Variants in CASZ1 observed in about 807,000 individuals in gnomAD.
CASZ1 encodes the protein castor zinc finger 1, also known as zinc finger protein castor homolog 1.
CASZ1 carries 28 observed loss-of-function variants against 135.2 expected under a neutral mutation model. That is an observed-to-expected ratio of 0.21 (90% CI 0.15 to 0.28). CASZ1 has a LOEUF of 0.28. Ranked by LOEUF, CASZ1 falls within the 10% of genes least tolerant of loss-of-function variation. The pLI is 1.00. For missense variants in CASZ1, 2,161 were observed against 2,453.3 expected (o/e 0.88, Z 2.52); for synonymous variants, 1,068 against 1,073.4 (o/e 0.99, Z 0.10).
In CASZ1 at chr1:10,717,578, C is replaced by T. The variant is rs1639417276; in HGVS notation, c.-76-12034G>A. On this transcript the variant is annotated intron_variant, in intron 2 of 20. Coordinates refer to ENST00000377022, the MANE Select transcript of CASZ1 (RefSeq NM_001079843.3). The surrounding 1 kb of genome is among the most constrained non-coding windows in gnomAD (Gnocchi z 4.6). Reference sequence around the variant, plus strand: ...CCTCACCAGCCCCTGCCCCCTCCAACCAGTTCAGATTTCCAGCTGCTCAGA... The same window carrying T: ...CCTCACCAGCCCCTGCCCCCTCCAATCAGTTCAGATTTCCAGCTGCTCAGA... Among the ~76,000 whole-genome samples, 1 of 152,188 alleles carries T rather than the reference C, an allele frequency of 6.6e-6. No homozygotes were observed. Among genetic ancestry groups the T allele is most frequent in the Admixed American group, 6.5e-5 (1 of 15,280 alleles).
chr1:10,763,323 G>A (rs183206349), intron 1 of CASZ1, among the ~76,000 whole-genome samples: 9 of 152,312 alleles, frequency 5.9e-5, no homozygotes, highest in African/African-American at 1.9e-4. Flanking sequence ...ACGTGGGTCC[G>A]AGTCCCACTT....
At chr1:10,671,299 G>A (rs1488454088) in intron 4 of CASZ1, among the ~76,000 whole-genome samples, 2 of 152,180 alleles carry the variant, frequency 1.3e-5, no homozygotes, top group East Asian at 1.9e-4. Flanking sequence ...CTGAGCAAAC[G>A]CGCACAGACC....
At chr1:10,640,705 A>C (rs1642176061) in intron 20 of CASZ1, among the ~76,000 whole-genome samples, 1 of 152,146 alleles carries the variant, frequency 6.6e-6, no homozygotes, top group Admixed American at 6.5e-5. Flanking sequence ...CTGATGGAGG[A>C]CCAGGACTCA....
At chr1:10,729,729 G>A (rs1570533261) in intron 2 of CASZ1, among the ~76,000 whole-genome samples, 1 of 152,266 alleles carries the variant, frequency 6.6e-6, no homozygotes, top group Admixed American at 6.5e-5. Flanking sequence ...CCGGCGTCCC[G>A]GCACAGACCA....
At chr1:10,715,766 CCCCACAGCACCCAATCCACA>C (rs1557527834) in intron 2 of CASZ1, among the ~76,000 whole-genome samples, 10 of 130,884 alleles carry the variant, frequency 7.6e-5, no homozygotes, top group East Asian at 7.3e-4. Flanking sequence ...CCAATCCACA[CCCCACAGCACCCAATCCACA>C]CCCACAGCAC....
At chr1:10,790,283 C>T (rs1203895888) in intron 1 of CASZ1, among the ~76,000 whole-genome samples, 6 of 152,340 alleles carry the variant, frequency 3.9e-5, no homozygotes, top group South Asian at 2.1e-4. Flanking sequence ...CCACGTATCC[C>T]GGGCACAGGG....
chr1:10,752,969 G>A (rs181193983), intron 2 of CASZ1, among the ~76,000 whole-genome samples: 142 of 152,246 alleles, frequency 9.3e-4, no homozygotes, highest in Non-Finnish European at 1.7e-3. Context: ...CCTGAGAGGC[G>A]GAGGTTGCAG....
chr1:10,714,922 A>G (rs1222564257), intron 2 of CASZ1, among the ~76,000 whole-genome samples: 3 of 151,284 alleles, frequency 2.0e-5, no homozygotes, highest in Non-Finnish European at 2.9e-5. Flanking sequence ...CCAAGCAGCC[A>G]TGCCAGTCCT....
intron 4 of CASZ1, among the ~76,000 whole-genome samples, chr1:10,683,497 G>A (rs1638491995): frequency 1.3e-5 from 2 of 152,130 alleles, no homozygotes; most frequent in Non-Finnish European, 2.9e-5. Flanking sequence ...ACTGAAAATG[G>A]TCTCCCAGTG....
At chr1:10,778,071 A>G (rs1264056130) in intron 1 of CASZ1, among the ~76,000 whole-genome samples, 1 of 151,952 alleles carries the variant, frequency 6.6e-6, no homozygotes, top group Non-Finnish European at 1.5e-5. Flanking sequence ...AATCTCACAC[A>G]CACAATCTCA....
At chr1:10,690,422 A>G (rs1638727694) in intron 4 of CASZ1, among the ~76,000 whole-genome samples, 1 of 152,184 alleles carries the variant, frequency 6.6e-6, no homozygotes, top group African/African-American at 2.4e-5. Context: ...TCAAGACAGT[A>G]TGCTCTCAAA....
At chr1:10,693,497 CAAAAAA>C (rs1172496673) in intron 4 of CASZ1, among the ~76,000 whole-genome samples, 1 of 23,276 alleles carries the variant, frequency 4.3e-5, no homozygotes, top group African/African-American at 1.8e-4. Context: ...TTGCAGAGAA[CAAAAAA>C]AAAAAAAAAA....
At chr1:10,648,558 G>A in intron 15 of CASZ1, 1 of 209,898 alleles carries the variant, frequency 4.8e-6, no homozygotes, top group Non-Finnish European at 9.6e-6. Flanking sequence ...GAGCACTGCA[G>A]GTCTGTTTTA....
intron 1 of CASZ1, among the ~76,000 whole-genome samples, chr1:10,787,644 C>T (rs12049243): frequency 2.8e-4 from 42 of 152,086 alleles, no homozygotes; most frequent in African/African-American, 9.2e-4. Flanking sequence ...CACACGCGCA[C>T]GATCACCCGC....
At position 10,777,756 on chromosome 1, in the gene CASZ1, A is replaced by C. The variant is rs1366759344; in HGVS notation, c.-233-16899T>G. On this transcript the variant is annotated intron_variant, in intron 1 of 20. Transcript: ENST00000377022. This position sits in a 1 kb window ranked among gnomAD's most constrained non-coding sequence, Gnocchi z 4.4. Reference sequence around the variant, plus strand: ...CCACGTTACAATCACACACAATCCCATACACACCCACTCACATAATCCACA... The same window carrying C: ...CCACGTTACAATCACACACAATCCCCTACACACCCACTCACATAATCCACA... 6.6e-6 allele frequency among the ~76,000 whole-genome samples: 1 copy of C among 151,652 alleles called. No homozygotes were observed. The highest frequency in any genetic ancestry group is 2.4e-5 in the African/African-American group (1 of 41,258).
In CASZ1 at chr1:10,755,119, T is replaced by C. The variant is rs1013264497; in HGVS notation, c.-77+5582A>G. On this transcript the variant is annotated intron_variant, in intron 2 of 20. Coordinates refer to ENST00000377022, the MANE Select transcript of CASZ1 (RefSeq NM_001079843.3). This position sits in a 1 kb window ranked among gnomAD's most constrained non-coding sequence, Gnocchi z 4.3. ...CTGAAGGGCAGAGAGCAAGCGGCAG[T>C]GGTGTGGGTGGGAACGTGGCAGCAT... 6.6e-6 allele frequency among the ~76,000 whole-genome samples: 1 copy of C among 152,002 alleles called. No individual in the cohort carries two copies. The highest frequency in any genetic ancestry group is 1.5e-5 in the Non-Finnish European group (1 of 67,976).
chr1:10,710,431 G>A (rs79713149), intron 2 of CASZ1, among the ~76,000 whole-genome samples: 1,585 of 152,300 alleles, frequency 0.01, 28 homozygotes, highest in African/African-American at 0.036. Flanking sequence ...GGCCCTGCCC[G>A]ATCTTCTTGG....
Position 10,794,777 on chromosome 1 carries a change from G to A in CASZ1, c.-234+1787C>T, listed in dbSNP as rs1641031339. 6.6e-6 allele frequency among the ~76,000 whole-genome samples: 1 copy of A among 152,160 alleles called. No individual in the cohort carries two copies. Among genetic ancestry groups the A allele is most frequent in the African/African-American group, 2.4e-5 (1 of 41,448 alleles). On this transcript the variant is annotated intron_variant, in intron 1 of 20. Coordinates refer to ENST00000377022, the MANE Select transcript of CASZ1 (RefSeq NM_001079843.3). This position sits in a 1 kb window ranked among gnomAD's most constrained non-coding sequence, Gnocchi z 5.6. ...TTATCTTAATCTACGCCCCCAAAGT[G>A]TCCCTCCAGCCGTGATTGACGGCGC...
In CASZ1 at chr1:10,774,171, G is replaced by A. The variant is rs904022807; in HGVS notation, c.-233-13314C>T. 6.6e-6 allele frequency among the ~76,000 whole-genome samples: 1 copy of A among 152,142 alleles called. No homozygotes were observed. The highest frequency in any genetic ancestry group is 1.5e-5 in the Non-Finnish European group (1 of 68,040). ...TTCCGTCTGCTTGTGGATGTAATTA[G>A]AGTTTTGGGTGGAAATCCACCCGGA... is the stretch of plus-strand genomic sequence containing the variant. On this transcript the variant is annotated intron_variant, in intron 1 of 20. Coordinates refer to ENST00000377022, the MANE Select transcript of CASZ1 (RefSeq NM_001079843.3). The surrounding 1 kb of genome is among the most constrained non-coding windows in gnomAD (Gnocchi z 4.4).
Sources: gnomAD v4.1 joint callset for allele counts (sites outside exome capture counted in the v4.1 genomes callset) on GRCh38, gnomAD v4.1.1 for gene constraint, Gnocchi (gnomAD v3.1) non-coding constraint, MANE v1.5 for transcripts, NCBI Gene and HGNC (gene_info 2026-07-23, HGNC 2026-07-21) for gene names.